The following ADD2 variants were observed in gnomAD, a reference collection of about 807,000 sequenced individuals.
ADD2 encodes the protein beta-adducin.
ADD2 carries 23 observed loss-of-function variants against 83.0 expected under a neutral mutation model. The ratio of observed to expected loss-of-function variants is 0.28; its 90% CI spans 0.20 to 0.39. ADD2 has a LOEUF of 0.39. Ranked by LOEUF, ADD2 falls within the 10% of genes least tolerant of loss-of-function variation. The pLI is 1.00. For missense variants in ADD2, 758 were observed against 944.9 expected, an observed-to-expected ratio of 0.80 and a Z score of 2.59; for synonymous variants, 375 against 375.4, an observed-to-expected ratio of 1.00 and a Z score of 0.01.
In ADD2 at chr2:70,700,626, C is replaced by T. The variant is rs566665863; in HGVS notation, c.322+3695G>A. Among the ~76,000 whole-genome samples, 5 of 151,958 alleles carry T rather than the reference C, an allele frequency of 3.3e-5. No homozygotes were observed. The East Asian group carries it at 9.7e-4, about 29-fold the overall frequency. On this transcript the variant is annotated intron_variant, in intron 4 of 15. Transcript: ENST00000264436. ...ATGAATCAGGAAGCAGAAAGAATAA[C>T]AGGACCAATAAGTAAATCCAAGAAT...
intron 1 of ADD2, among the ~76,000 whole-genome samples, chr2:70,741,979 C>T (rs1673942634): frequency 6.6e-6 from 1 of 150,750 alleles, no homozygotes; most frequent in South Asian, 2.1e-4. Context: ...AGATGTTGGA[C>T]TGGATTTGAA....
chr2:70,682,999 C>G (rs1670535211), intron 10 of ADD2, among the ~76,000 whole-genome samples: 2 of 151,340 alleles, frequency 1.3e-5, no homozygotes, highest in Non-Finnish European at 2.9e-5. Flanking sequence ...GGCTCTGTGT[C>G]CCAGTTTTTA....
chr2:70,747,026 T>TC (rs1488862899), intron 1 of ADD2, among the ~76,000 whole-genome samples: 1 of 150,646 alleles, frequency 6.6e-6, no homozygotes, highest in African/African-American at 2.5e-5. Context: ...TTTTTTTTTT[T>TC]TGAGACAGAG....
In ADD2 at chr2:70,659,589, C is replaced by G. The variant is rs1453356480; in HGVS notation, c.*3836G>C. 6.6e-6 allele frequency: 1 copy of G among 152,146 alleles called. No individual in the cohort carries two copies. Among genetic ancestry groups the G allele is most frequent in the Non-Finnish European group, 1.5e-5 (1 of 68,042 alleles). The allele number at this position is 152,146 out of a possible 1,614,324, so 9.4% of individuals were successfully genotyped here. On this transcript the variant is annotated 3_prime_UTR_variant, in exon 16 of 16. Transcript: ENST00000264436. ...ACTTATCTGTTCACAGAGGAAGAACCCTGTTTTAGTTATAGGAGAGTGGAG... is the reference window on the plus strand; with the variant it reads ...ACTTATCTGTTCACAGAGGAAGAACGCTGTTTTAGTTATAGGAGAGTGGAG...
At chr2:70,722,718 G>C (rs1299924148) in intron 1 of ADD2, among the ~76,000 whole-genome samples, 3 of 152,154 alleles carry the variant, frequency 2.0e-5, no homozygotes, top group Non-Finnish European at 4.4e-5. Flanking sequence ...CCTCTGCTGA[G>C]GAAGCAACTT....
chr2:70,674,621 G>A, intron 14 of ADD2, 57 bp downstream of exon 14: 1 of 1,563,284 alleles, frequency 6.4e-7, no homozygotes, highest in Non-Finnish European at 8.7e-7. Flanking sequence ...GTAGTCCTGA[G>A]CTCTCCCCTC....
chr2:70,664,455 C>G (rs1469286602), intron 15 of ADD2, among the ~76,000 whole-genome samples: 1 of 152,224 alleles, frequency 6.6e-6, no homozygotes, highest in Non-Finnish European at 1.5e-5. Context: ...TCTCCCCCTC[C>G]CCACTCTCAC....
At chr2:70,668,288 G>T (rs1553366500) in intron 15 of ADD2, among the ~76,000 whole-genome samples, 1 of 152,078 alleles carries the variant, frequency 6.6e-6, no homozygotes, top group African/African-American at 2.4e-5. Flanking sequence ...TTCCAGGAAT[G>T]CCAGCTCCCC....
At chr2:70,744,596 A>C (rs990464144) in intron 1 of ADD2, among the ~76,000 whole-genome samples, 13 of 152,244 alleles carry the variant, frequency 8.5e-5, no homozygotes, top group African/African-American at 3.1e-4. Flanking sequence ...AAAGAAGTCC[A>C]TTGTGGCTGA....
At chr2:70,690,247 C>T (rs1018201626) in intron 8 of ADD2, among the ~76,000 whole-genome samples, 3 of 152,196 alleles carry the variant, frequency 2.0e-5, no homozygotes, top group African/African-American at 7.2e-5. Flanking sequence ...CAGGTGCATA[C>T]CACCAAGCTT....
chr2:70,726,943 A>G (rs1331833192), intron 1 of ADD2, among the ~76,000 whole-genome samples: 1 of 152,092 alleles, frequency 6.6e-6, no homozygotes, highest in Non-Finnish European at 1.5e-5. Flanking sequence ...CCAGTCCCCA[A>G]CCCCACAATG....
chr2:70,693,703 G>A (rs782634416), intron 6 of ADD2, among the ~76,000 whole-genome samples: 3 of 152,216 alleles, frequency 2.0e-5, no homozygotes, highest in Non-Finnish European at 4.4e-5. Context: ...AGTGTGGAGT[G>A]CTGCCCTCTG....
At chr2:70,704,843 C>G (rs1553374157) in intron 3 of ADD2, among the ~76,000 whole-genome samples, 1 of 152,122 alleles carries the variant, frequency 6.6e-6, no homozygotes, top group Non-Finnish European at 1.5e-5. Flanking sequence ...ATTAGCGATG[C>G]CTGTGATTCT....
chr2:70,748,724 C>CA (rs1171241336), intron 1 of ADD2, among the ~76,000 whole-genome samples: 1 of 152,180 alleles, frequency 6.6e-6, no homozygotes, highest in Non-Finnish European at 1.5e-5. Flanking sequence ...ATTGCTTCTA[C>CA]AATGCATTTC....
At chr2:70,745,208 C>T (rs531871025) in intron 1 of ADD2, among the ~76,000 whole-genome samples, 14 of 152,160 alleles carry the variant, frequency 9.2e-5, no homozygotes, top group Non-Finnish European at 1.8e-4. Context: ...ATGGTGTGAA[C>T]CCGGAGGGCG....
At chr2:70,684,559 T>C (rs181294318) in intron 9 of ADD2, among the ~76,000 whole-genome samples, 27 of 152,334 alleles carry the variant, frequency 1.8e-4, no homozygotes, top group Admixed American at 3.9e-4. Context: ...TCTCCTATAT[T>C]TTTTTAAAAG....
At chr2:70,678,994 G>A in intron 10 of ADD2, 33 bp from the exon 11 acceptor site, 1 of 1,563,710 alleles carries the variant, frequency 6.4e-7, no homozygotes, top group Non-Finnish European at 8.7e-7. Flanking sequence ...CACTTATGGG[G>A]TGAGAAAAAA....
chr2:70,666,964 T>A (rs1384843750), intron 15 of ADD2, among the ~76,000 whole-genome samples: 1 of 152,090 alleles, frequency 6.6e-6, no homozygotes, highest in African/African-American at 2.4e-5. Flanking sequence ...ACTGGAGGGT[T>A]CCACTGGCCA....
chr2:70,728,431 C>A (rs1184203841), intron 1 of ADD2, among the ~76,000 whole-genome samples: 1 of 152,148 alleles, frequency 6.6e-6, no homozygotes, highest in Non-Finnish European at 1.5e-5. Flanking sequence ...AGCTGAGATG[C>A]CTGTGTGAGG....
Sources: gnomAD v4.1 joint callset for allele counts (sites outside exome capture counted in the v4.1 genomes callset) on GRCh38, gnomAD v4.1.1 for gene constraint, MANE v1.5 for transcripts, NCBI Gene and HGNC (gene_info 2026-07-23, HGNC 2026-07-21) for gene names.